ANTXR1: variants seen among roughly 807,000 people sequenced by gnomAD.
The protein encoded by ANTXR1 is anthrax toxin receptor 1.
In ANTXR1, 19 loss-of-function variants were observed where a neutral mutation model predicts 78.1. The observed-to-expected ratio is 0.24, with a 90% CI of 0.17 to 0.36. The LOEUF (loss-of-function observed/expected upper bound fraction) is 0.36, where lower values mean the gene tolerates loss of function less well. Among genes scored for constraint, ANTXR1 ranks in the 10% least tolerant of loss-of-function variants. The pLI is 1.00. For synonymous variants in ANTXR1, 273 were observed against 260.5 expected (o/e 1.05, Z -0.46); for missense variants, 518 against 718.6 (o/e 0.72, Z 3.19).
intron 9 of ANTXR1, 123 bp from the exon 10 acceptor site, chr2:69,102,719 C>A (rs1242843591): frequency 9.2e-7 from 1 of 1,092,132 alleles, no homozygotes; most frequent in Non-Finnish European, 1.4e-6. Context: ...GGTGTTCAAC[C>A]TAAATTAATT....
chr2:69,076,084 T>C (rs1670722616), intron 7 of ANTXR1, among the ~76,000 whole-genome samples: 1 of 152,186 alleles, frequency 6.6e-6, no homozygotes, highest in Non-Finnish European at 1.5e-5. Flanking sequence ...TAGCTTGGTA[T>C]ACAGGTGCAC....
At chr2:69,209,648 G>A (rs149319397) in intron 17 of ANTXR1, among the ~76,000 whole-genome samples, 5 of 152,358 alleles carry the variant, frequency 3.3e-5, no homozygotes, top group South Asian at 2.1e-4. Context: ...CATTGAAGAT[G>A]AGATCTGAAT....
At chr2:69,226,047 CCT>C (rs1675442853) in intron 17 of ANTXR1, among the ~76,000 whole-genome samples, 1 of 152,154 alleles carries the variant, frequency 6.6e-6, no homozygotes, top group Admixed American at 6.5e-5. Flanking sequence ...CCCCACACTG[CCT>C]CTCCATTGCA....
intron 10 of ANTXR1, among the ~76,000 whole-genome samples, chr2:69,116,479 C>T (rs889949661): frequency 1.3e-5 from 2 of 152,202 alleles, no homozygotes; most frequent in Non-Finnish European, 2.9e-5. Context: ...CTAACTCCGG[C>T]CTGTCTGTTG....
At chr2:69,132,436 C>A (rs906335551) in intron 12 of ANTXR1, among the ~76,000 whole-genome samples, 4 of 152,178 alleles carry the variant, frequency 2.6e-5, no homozygotes, top group Non-Finnish European at 1.5e-5. Context: ...ACAAATCCAG[C>A]CTGGTTTTGT....
intron 17 of ANTXR1, among the ~76,000 whole-genome samples, chr2:69,235,811 T>C (rs1675749548): frequency 6.6e-6 from 1 of 150,396 alleles, no homozygotes; most frequent in Non-Finnish European, 1.5e-5. Flanking sequence ...AACCAGTGTA[T>C]TAGTCTGCTC....
At chr2:69,222,769 T>G (rs1675350708) in intron 17 of ANTXR1, among the ~76,000 whole-genome samples, 1 of 152,224 alleles carries the variant, frequency 6.6e-6, no homozygotes, top group Admixed American at 6.5e-5. Flanking sequence ...CTCAGAGGAC[T>G]CTTCTCATTC....
intron 17 of ANTXR1, among the ~76,000 whole-genome samples, chr2:69,194,983 C>T (rs1674635774): frequency 6.6e-6 from 1 of 152,122 alleles, no homozygotes; most frequent in East Asian, 1.9e-4. Context: ...TCCTGGCCAA[C>T]ATAGTGAAAT....
intron 17 of ANTXR1, among the ~76,000 whole-genome samples, chr2:69,212,250 G>A (rs369439191): frequency 1.3e-5 from 2 of 152,202 alleles, no homozygotes; most frequent in Non-Finnish European, 2.9e-5. Context: ...AGAAAGAGAG[G>A]AGAAAACCAG....
intron 1 of ANTXR1, among the ~76,000 whole-genome samples, chr2:69,037,655 A>C (rs1669482282): frequency 6.6e-6 from 1 of 151,960 alleles, no homozygotes; most frequent in South Asian, 2.1e-4. Context: ...TTTTTAGTAG[A>C]GACGGGGTTT....
At chr2:69,198,891 T>A (rs898432761) in intron 17 of ANTXR1, among the ~76,000 whole-genome samples, 1 of 152,222 alleles carries the variant, frequency 6.6e-6, no homozygotes, top group Non-Finnish European at 1.5e-5. Flanking sequence ...GAAAATTATC[T>A]TGAATGCCTT....
At chr2:69,172,635 G>C in intron 14 of ANTXR1, 1 of 875,048 alleles carries the variant, frequency 1.1e-6, no homozygotes, top group Non-Finnish European at 1.5e-6. Flanking sequence ...ATCATATTCT[G>C]AGAGAGGCAT....
intron 7 of ANTXR1, 107 bp downstream of exon 7, chr2:69,075,765 A>G (rs1670712240): frequency 9.6e-7 from 1 of 1,042,872 alleles, no homozygotes. Context: ...TGCCCCTGAA[A>G]TAGGTTATTT....
At chr2:69,145,100 C>G (rs996672111) in intron 12 of ANTXR1, among the ~76,000 whole-genome samples, 1 of 152,280 alleles carries the variant, frequency 6.6e-6, no homozygotes, top group Non-Finnish European at 1.5e-5. Context: ...AGTGTGGCAG[C>G]AAACAGGCTG....
intron 17 of ANTXR1, among the ~76,000 whole-genome samples, chr2:69,208,720 G>T (rs1674963498): frequency 6.6e-6 from 1 of 152,152 alleles, no homozygotes; most frequent in South Asian, 2.1e-4. Context: ...TTCCATACAG[G>T]CCCTGAGTTC....
chr2:69,106,115 T>C (rs900907545), intron 10 of ANTXR1, among the ~76,000 whole-genome samples: 1 of 152,216 alleles, frequency 6.6e-6, no homozygotes, highest in African/African-American at 2.4e-5. Flanking sequence ...ACTTTGCAAA[T>C]TGATCATGCT....
intron 13 of ANTXR1, among the ~76,000 whole-genome samples, chr2:69,157,725 G>A (rs758237614): frequency 6.7e-6 from 1 of 149,742 alleles, no homozygotes; most frequent in Non-Finnish European, 1.5e-5. Flanking sequence ...AATATTTGTG[G>A]AATGAATGAA....
At position 69,065,675 on chromosome 2, in the gene ANTXR1, A is replaced by G. The variant is rs6757560; in HGVS notation, c.297-4972A>G. Among the ~76,000 whole-genome samples, 794 of 152,322 alleles carry G rather than the reference A, an allele frequency of 5.2e-3. 6 individuals are homozygous for G. Among genetic ancestry groups the G allele is most frequent in the African/African-American group, 0.018 (733 of 41,562 alleles). On this transcript the variant is annotated intron_variant, in intron 3 of 17. Transcript: ENST00000303714. Reference sequence around the variant, plus strand: ...GAGCTTTGGTTCAGCATGCATCTTGATATTATGTTAATCATTTTGGCCTAT... The same window carrying G: ...GAGCTTTGGTTCAGCATGCATCTTGGTATTATGTTAATCATTTTGGCCTAT...
chr2:69,029,087 G>A (rs1402707466), intron 1 of ANTXR1, among the ~76,000 whole-genome samples: 1 of 150,778 alleles, frequency 6.6e-6, no homozygotes, highest in Non-Finnish European at 1.5e-5. Context: ...TAATTAGCCA[G>A]GCGTGGTGGC....
Sources: allele counts gnomAD v4.1 joint callset (sites outside exome capture counted in the v4.1 genomes callset), GRCh38; gene constraint gnomAD v4.1.1; transcripts MANE v1.5; gene names NCBI Gene and HGNC (gene_info 2026-07-23, HGNC 2026-07-21).